HIVEP3: variants seen among roughly 807,000 people sequenced by gnomAD.
HIVEP3 encodes transcription factor HIVEP3.
HIVEP3 carries 49 observed loss-of-function variants against 152.8 expected under a neutral mutation model. That is an observed-to-expected ratio of 0.32 (90% CI 0.26 to 0.41). The LOEUF is 0.41. Among genes scored for constraint, HIVEP3 ranks in the 10% least tolerant of loss-of-function variants. The pLI is 1.00. For synonymous variants in HIVEP3, 1,269 were observed against 1,289.0 expected (o/e 0.98, Z 0.33); for missense variants, 2,790 against 3,103.3 (o/e 0.90, Z 2.40).
intron 1 of HIVEP3, among the ~76,000 whole-genome samples, chr1:42,003,845 G>A (rs535900841): frequency 1.3e-5 from 2 of 151,646 alleles, no homozygotes; most frequent in East Asian, 1.9e-4. Flanking sequence ...AAAAAACCTC[G>A]GACATGCCTC....
chr1:41,623,910 C>T (rs1645080348), intron 3 of HIVEP3, among the ~76,000 whole-genome samples: 2 of 151,788 alleles, frequency 1.3e-5, no homozygotes, highest in Admixed American at 6.6e-5. Flanking sequence ...ATCAGAGTGA[C>T]GTGTATGCTC....
rs1273370972 is a variant in HIVEP3, at chr1:41,513,871, G to C, written c.5471-121C>G. 5 of 747,526 alleles carry C rather than the reference G, an allele frequency of 6.7e-6. 1 individual carries two copies. The highest frequency in any genetic ancestry group is 1.8e-5 in the African/African-American group (1 of 55,956). The allele number at this position is 747,526 out of a possible 1,614,324, so 46.3% of individuals were successfully genotyped here. A position where few individuals can be genotyped will look rare whatever the true frequency, so the allele number is the denominator to read the frequency against. On this transcript the variant is annotated intron_variant, in intron 7 of 8. Coordinates refer to ENST00000372583, the MANE Select transcript of HIVEP3 (RefSeq NM_024503.5). ...TGACTGGGCAAAATAGCCATCGCAA[G>C]GGCACAAGATTGTTGGGACAACCAA... is the stretch of plus-strand genomic sequence containing the variant.
intron 2 of HIVEP3, among the ~76,000 whole-genome samples, chr1:41,679,973 G>T (rs553879131): frequency 6.6e-6 from 1 of 152,292 alleles, no homozygotes; most frequent in African/African-American, 2.4e-5. Flanking sequence ...CAGGACACCT[G>T]TCTGGCTCCA....
intron 1 of HIVEP3, among the ~76,000 whole-genome samples, chr1:41,931,653 T>A (rs1644996369): frequency 6.6e-6 from 1 of 152,086 alleles, no homozygotes; most frequent in African/African-American, 2.4e-5. Context: ...ACCAGGATTT[T>A]CTAGATTTTA....
intron 1 of HIVEP3, among the ~76,000 whole-genome samples, chr1:41,887,834 C>T (rs996379748): frequency 1.3e-5 from 2 of 152,024 alleles, no homozygotes; most frequent in African/African-American, 4.8e-5. Context: ...CTTGCACTGT[C>T]CAAAATGGTG....
chr1:41,572,255 G>A (rs2181279), intron 5 of HIVEP3, among the ~76,000 whole-genome samples: 3,976 of 152,228 alleles, frequency 0.026, 190 homozygotes, highest in African/African-American at 0.091. Flanking sequence ...TAGCAATGTC[G>A]GCACAGAGAT....
chr1:41,880,820 T>C (rs1644248965), intron 1 of HIVEP3, among the ~76,000 whole-genome samples: 1 of 152,148 alleles, frequency 6.6e-6, no homozygotes, highest in South Asian at 2.1e-4. Context: ...CCTGCATCTG[T>C]GGGGCGAGCA....
At position 42,032,197 on chromosome 1, in the gene HIVEP3, C is replaced by T. The variant is rs75298197; in HGVS notation, n.119+3610G>A. ...ACACCCCAACCCCATCTCTGTGTAA[C>T]CACAGGAAGGCAGCATCCTCTCACA... On this transcript the variant is annotated intron_variant and non_coding_transcript_variant, in intron 1 of 3. Coordinates refer to the HIVEP3 transcript ENST00000489103. Among the ~76,000 whole-genome samples the T allele has an allele frequency of 7.4e-3, 1,131 of 152,332 alleles. 13 individuals are homozygous for T. Among genetic ancestry groups the T allele is most frequent in the African/African-American group, 0.026 (1,095 of 41,572 alleles).
chr1:41,947,185 T>C (rs892666037), intron 1 of HIVEP3, among the ~76,000 whole-genome samples: 1 of 152,208 alleles, frequency 6.6e-6, no homozygotes, highest in African/African-American at 2.4e-5. Context: ...GCCCAAGACT[T>C]GAGCCAGTTC....
At chr1:41,890,494 T>A (rs996936288) in intron 1 of HIVEP3, among the ~76,000 whole-genome samples, 4 of 152,202 alleles carry the variant, frequency 2.6e-5, no homozygotes, top group African/African-American at 9.7e-5. Context: ...TTATTGTAGA[T>A]TCATGTGCAG....
chr1:41,849,257 T>A (rs1454009432), intron 1 of HIVEP3, among the ~76,000 whole-genome samples: 1 of 152,194 alleles, frequency 6.6e-6, no homozygotes, highest in Non-Finnish European at 1.5e-5. Context: ...CTATGGCACC[T>A]GAGACCTTTC....
rs1645767392 is a variant in HIVEP3, at chr1:41,664,721, C to T, written c.-720-35774G>A. 6.6e-6 allele frequency among the ~76,000 whole-genome samples: 1 copy of T among 152,204 alleles called. No individual in the cohort carries two copies. The highest frequency in any genetic ancestry group is 2.1e-4 in the South Asian group (1 of 4,836). On this transcript the variant is annotated intron_variant, in intron 2 of 8. Coordinates refer to ENST00000372583, the MANE Select transcript of HIVEP3 (RefSeq NM_024503.5). The surrounding 1 kb of genome is among the most constrained non-coding windows in gnomAD (Gnocchi z 4.4). Reference sequence around the variant, plus strand: ...AACAGTGGCTGATGTCCTAGGGTCCCTGGCTGGGGGCTGGGATGAAAGGCG... The same window carrying T: ...AACAGTGGCTGATGTCCTAGGGTCCTTGGCTGGGGGCTGGGATGAAAGGCG...
Position 41,897,074 on chromosome 1 carries a change from A to G in HIVEP3, c.-801+21339T>C, listed in dbSNP as rs78482543. Among the ~76,000 whole-genome samples, 378 of 152,336 alleles carry G rather than the reference A, an allele frequency of 2.5e-3. 2 individuals are homozygous for G. The highest frequency in any genetic ancestry group is 8.7e-3 in the African/African-American group (362 of 41,570). On this transcript the variant is annotated intron_variant, in intron 1 of 8. Transcript: ENST00000372583. ...TTAGGGAAACCACCAAGATTGGTGTAGGGACCACCACAGTGGTGTTTTGCA... is the reference window on the plus strand; with the variant it reads ...TTAGGGAAACCACCAAGATTGGTGTGGGGACCACCACAGTGGTGTTTTGCA...
chr1:41,905,969 C>T (rs1644702923), intron 1 of HIVEP3, among the ~76,000 whole-genome samples: 1 of 152,134 alleles, frequency 6.6e-6, no homozygotes, highest in Admixed American at 6.5e-5. Flanking sequence ...TTACAATAGC[C>T]CAAATCTGGA....
chr1:41,981,597 C>A (rs1324620638), intron 1 of HIVEP3, among the ~76,000 whole-genome samples: 1 of 152,110 alleles, frequency 6.6e-6, no homozygotes, highest in Non-Finnish European at 1.5e-5. Context: ...CCATCTCCTC[C>A]AAGGTAAAGT....
At chr1:41,694,081 AT>A (rs1477869033) in intron 2 of HIVEP3, among the ~76,000 whole-genome samples, 2 of 151,974 alleles carry the variant, frequency 1.3e-5, no homozygotes, top group African/African-American at 2.4e-5. Flanking sequence ...TTTATGAAAA[AT>A]TTTTTTTGGG....
chr1:41,824,569 A>G (rs1642701975), intron 1 of HIVEP3, among the ~76,000 whole-genome samples: 1 of 151,546 alleles, frequency 6.6e-6, no homozygotes, highest in Admixed American at 6.6e-5. Context: ...CCACTTAAGA[A>G]CCCTCAAACA....
At chr1:41,783,354 T>A (rs151162540) in intron 1 of HIVEP3, among the ~76,000 whole-genome samples, 3 of 152,140 alleles carry the variant, frequency 2.0e-5, no homozygotes, top group South Asian at 2.1e-4. Flanking sequence ...ATTAAAGAGA[T>A]GAATCACACA....
At chr1:41,682,885 G>A (rs919117594) in intron 2 of HIVEP3, among the ~76,000 whole-genome samples, 1 of 152,178 alleles carries the variant, frequency 6.6e-6, no homozygotes, top group Non-Finnish European at 1.5e-5. Flanking sequence ...GACCAAAAGA[G>A]CTGCAAAGCG....
Sources: allele counts gnomAD v4.1 joint callset (sites outside exome capture counted in the v4.1 genomes callset), GRCh38; gene constraint gnomAD v4.1.1; non-coding constraint Gnocchi (gnomAD v3.1); transcripts MANE v1.5; gene names NCBI Gene and HGNC (gene_info 2026-07-23, HGNC 2026-07-21).